The following EPDR1 variants were observed in gnomAD, a reference collection of about 807,000 sequenced individuals.
The protein encoded by EPDR1 is ependymin related 1.
A neutral mutation model predicts 23.7 loss-of-function variants in EPDR1; 27 were observed. The observed-to-expected ratio is 1.14, with a 90% confidence interval of 0.84 to 1.57. The LOEUF is 1.57. Ranked by LOEUF, EPDR1 falls within the 40% of genes most tolerant of loss-of-function variation. EPDR1 has a pLI of 0.00. For missense variants in EPDR1, 349 were observed against 290.4 expected (o/e 1.20, Z -1.47); for synonymous variants, 137 against 118.2 (o/e 1.16, Z -1.03).
chr7:37,936,957 G>A (rs994112987), intron 1 of EPDR1, among the ~76,000 whole-genome samples: 5 of 152,234 alleles, frequency 3.3e-5, no homozygotes, highest in South Asian at 4.1e-4. Flanking sequence ...ATAGGAAAAC[G>A]TTGGAAAAGA....
At chr7:37,932,142 C>G (rs1785955300) in intron 1 of EPDR1, among the ~76,000 whole-genome samples, 1 of 145,544 alleles carries the variant, frequency 6.9e-6, no homozygotes, top group African/African-American at 2.5e-5. Context: ...TTGCTTTAGC[C>G]TTTTCATCAC....
intron 1 of EPDR1, among the ~76,000 whole-genome samples, chr7:37,927,096 T>G (rs888462046): frequency 4.1e-4 from 63 of 152,270 alleles, no homozygotes; most frequent in African/African-American, 1.4e-3. Context: ...GGATAAACCA[T>G]TTTTCAAGAA....
In EPDR1 at chr7:37,938,078, C is replaced by T. The variant is rs1388297015; in HGVS notation, c.270-10762C>T. Among the ~76,000 whole-genome samples, 4 of 143,970 alleles carry T rather than the reference C, an allele frequency of 2.8e-5. No homozygotes were observed. In the Admixed American group the frequency reaches 2.9e-4, roughly 11 times the overall value. The allele number at this position is 143,970 out of a possible 152,430, so 94.4% of individuals were successfully genotyped here. ...CAGTCTCAGCTCACTGCAAACTCTGCTTCCCGGGTTCATGCCATTCTCTTG... is the reference window on the plus strand; with the variant it reads ...CAGTCTCAGCTCACTGCAAACTCTGTTTCCCGGGTTCATGCCATTCTCTTG... On this transcript the variant is annotated intron_variant, in intron 1 of 2. Coordinates refer to ENST00000199448, the MANE Select transcript of EPDR1 (RefSeq NM_017549.5).
In EPDR1 at chr7:37,943,513, A is replaced by G. The variant is rs570199484; in HGVS notation, c.270-5327A>G. Among the ~76,000 whole-genome samples, 20 of 152,360 alleles carry G rather than the reference A, an allele frequency of 1.3e-4. No homozygotes were observed. In the South Asian group the frequency reaches 3.9e-3, roughly 30 times the overall value. Reference sequence around the variant, plus strand: ...ACTGTTAATATGTTCACATAAACACACACGCCACTACAGTATCATTAAAAT... The same window carrying G: ...ACTGTTAATATGTTCACATAAACACGCACGCCACTACAGTATCATTAAAAT... On this transcript the variant is annotated intron_variant, in intron 1 of 2. Transcript: ENST00000199448.
At chr7:37,947,370 T>C (rs561567360) in intron 1 of EPDR1, among the ~76,000 whole-genome samples, 1 of 152,352 alleles carries the variant, frequency 6.6e-6, no homozygotes, top group Admixed American at 6.5e-5. Flanking sequence ...GTAACTGCAC[T>C]CTATGATGTT....
intron 1 of EPDR1, among the ~76,000 whole-genome samples, chr7:37,934,918 C>G (rs1303243791): frequency 6.6e-6 from 1 of 151,850 alleles, no homozygotes; most frequent in Non-Finnish European, 1.5e-5. Flanking sequence ...GCACTCCAGC[C>G]TGGGTGACAG....
intron 1 of EPDR1, among the ~76,000 whole-genome samples, chr7:37,944,586 G>A (rs1333043181): frequency 6.6e-6 from 1 of 152,212 alleles, no homozygotes; most frequent in African/African-American, 2.4e-5. Context: ...TTCTTACGTG[G>A]TGGCAGGCAA....
chr7:37,936,731 A>G (rs1173022514), intron 1 of EPDR1, among the ~76,000 whole-genome samples: 1 of 152,264 alleles, frequency 6.6e-6, no homozygotes, highest in East Asian at 1.9e-4. Context: ...AGTGACAACA[A>G]AAGATCAACT....
At position 37,951,903 on chromosome 7, in the gene EPDR1, G is replaced by C. The variant is rs575878942; in HGVS notation, c.*1507G>C. On this transcript the variant is annotated 3_prime_UTR_variant, in exon 3 of 3. Coordinates refer to ENST00000199448, the MANE Select transcript of EPDR1 (RefSeq NM_017549.5). The stretch of plus-strand genomic sequence containing the variant: ...TTGGTTATAAGGGAGTTAAAACAAT[G>C]CTGTAATAAATAAAGTGCTTCATGT... The C allele has an allele frequency of 2.3e-4, 35 of 152,332 alleles. No individual in the cohort carries two copies. The highest frequency in any genetic ancestry group is 8.4e-4 in the African/African-American group (35 of 41,574). 9.4% of individuals were successfully genotyped at this position (152,332 alleles called of 1,614,324 possible).
intron 1 of EPDR1, among the ~76,000 whole-genome samples, chr7:37,923,637 GAGA>G (rs946021155): frequency 2.5e-4 from 38 of 152,272 alleles, no homozygotes; most frequent in African/African-American, 8.7e-4. Flanking sequence ...GTGTGTCAAA[GAGA>G]AGGATAAGGG....
chr7:37,934,578 A>G lies in EPDR1; in HGVS notation c.269+13370A>G, dbSNP rs934751643. On this transcript the variant is annotated intron_variant, in intron 1 of 2. Transcript: ENST00000199448. ...TAAGGGAGACTAAGAATATGAGTAC[A>G]GTCAGCCCTCTGCATCCATGGATTC... 3.3e-5 allele frequency among the ~76,000 whole-genome samples: 5 copies of G among 152,284 alleles called. No individual in the cohort carries two copies. In the East Asian group the frequency reaches 9.7e-4, roughly 29 times the overall value.
chr7:37,945,940 C>T (rs940295965), intron 1 of EPDR1, among the ~76,000 whole-genome samples: 1 of 152,072 alleles, frequency 6.6e-6, no homozygotes, highest in Non-Finnish European at 1.5e-5. Context: ...TTGTTCTCAT[C>T]ATTCAGCTCC....
Position 37,921,190 on chromosome 7 carries a change from C to A in EPDR1, c.251C>A (p.Ala84Glu), listed in dbSNP as rs779447865. Residue 84 changes from alanine to glutamate, a missense_variant, in exon 1 of 3, where the codon GCG becomes GAG. Ala to Glu is a moderately radical substitution (Grantham distance 107). Coordinates refer to ENST00000199448, the MANE Select transcript of EPDR1 (RefSeq NM_017549.5). ...QRVRVLDERK[A>E]LIPCKRLFEY... The stretch of plus-strand genomic sequence containing the variant: ...GTGCGGGTGCTGGACGAGAGGAAGG[C>A]GCTGATCCCCTGCAAGAGGTACAGG... 3 of 1,589,938 alleles carry A rather than the reference C, an allele frequency of 1.9e-6. No homozygotes were observed. Among genetic ancestry groups the A allele is most frequent in the East Asian group, 4.6e-5 (2 of 43,696 alleles).
At chr7:37,928,627 C>A (rs1785865444) in intron 1 of EPDR1, among the ~76,000 whole-genome samples, 1 of 152,112 alleles carries the variant, frequency 6.6e-6, no homozygotes, top group South Asian at 2.1e-4. Flanking sequence ...GATTAATTCC[C>A]CAATCTTGAT....
At chr7:37,936,023 T>TATATACACAC (rs1786042302) in intron 1 of EPDR1, among the ~76,000 whole-genome samples, 2 of 99,618 alleles carry the variant, frequency 2.0e-5, no homozygotes, top group Non-Finnish European at 4.3e-5. Flanking sequence ...TATATATATA[T>TATATACACAC]ATATATATAT....
rs1301677895 is a variant in EPDR1, at chr7:37,921,156, A to C, written c.217A>C (p.Asn73His). 11 of 1,595,746 alleles carry C rather than the reference A, an allele frequency of 6.9e-6. No homozygotes were observed. Among genetic ancestry groups the C allele is most frequent in the Non-Finnish European group, 9.3e-6 (11 of 1,178,704 alleles). Residue 73 changes from asparagine (N) to histidine (H), a missense_variant, in exon 1 of 3, where the codon AAC becomes CAC. Physicochemically the swap from Asn to His is moderately conservative, Grantham distance 68 (BLOSUM62 1). Transcript: ENST00000199448. ...SRALLSYDGLNQRVRVLDERK... is the reference protein window; with the variant it reads ...SRALLSYDGLHQRVRVLDERK... ...CGCCCTGCTCTCCTACGACGGGCTC[A>C]ACCAGCGCGTGCGGGTGCTGGACGA...
In EPDR1 at chr7:37,920,719, C is replaced by G. The variant is rs1562854387; in HGVS notation, c.-221C>G. 6.2e-7 allele frequency: 1 copy of G among 1,607,774 alleles called. No individual in the cohort carries two copies. On this transcript the variant is annotated 5_prime_UTR_variant, in exon 1 of 3. Transcript: ENST00000199448. ...GGCCCAGGCAGAAATAGCTCCCGCGCGATTCACTGGAGCCTTCCCCGGGCC... is the reference window on the plus strand; with the variant it reads ...GGCCCAGGCAGAAATAGCTCCCGCGGGATTCACTGGAGCCTTCCCCGGGCC...
chr7:37,931,279 C>A (rs1278491430), intron 1 of EPDR1, among the ~76,000 whole-genome samples: 1 of 152,002 alleles, frequency 6.6e-6, no homozygotes, highest in Non-Finnish European at 1.5e-5. Context: ...TTTGGGAGGC[C>A]GAGGCGGGTG....
intron 1 of EPDR1, among the ~76,000 whole-genome samples, chr7:37,930,017 G>A (rs1785900527): frequency 6.6e-6 from 1 of 152,174 alleles, no homozygotes; most frequent in Admixed American, 6.5e-5. Context: ...GTTACCCTCA[G>A]TCCCCCCAAA....
Sources: allele counts gnomAD v4.1 joint callset (sites outside exome capture counted in the v4.1 genomes callset), GRCh38; gene constraint gnomAD v4.1.1; transcripts MANE v1.5; gene names NCBI Gene and HGNC (gene_info 2026-07-23, HGNC 2026-07-21).